MYO5C: variants seen among roughly 807,000 people sequenced by gnomAD.
The protein encoded by MYO5C is myosin VC.
Under a neutral mutation model 235.7 loss-of-function variants are expected in MYO5C, and 194 were observed. The observed-to-expected ratio is 0.82, with a 90% CI of 0.73 to 0.93. The LOEUF (loss-of-function observed/expected upper bound fraction) is 0.93, where lower values mean the gene tolerates loss of function less well. Ranked by LOEUF, MYO5C falls within the 40% of genes least tolerant of loss-of-function variation. The pLI is 0.00. For missense variants in MYO5C, 2,038 were observed against 2,127.2 expected (o/e 0.96, Z 0.82); for synonymous variants, 707 against 754.8 (o/e 0.94, Z 1.04).
chr15:52,211,897 G>C lies in MYO5C; in HGVS notation c.4142-13C>G. The C allele has an allele frequency of 6.2e-7, 1 of 1,612,364 alleles. No individual in the cohort carries two copies. The highest frequency in any genetic ancestry group is 8.5e-7 in the Non-Finnish European group (1 of 1,179,132). On this transcript the variant is annotated splice_polypyrimidine_tract_variant and intron_variant, in intron 34 of 40. Coordinates refer to ENST00000261839, the MANE Select transcript of MYO5C (RefSeq NM_018728.4). ...CGGGGCTTCAAGTCTGAAGCAGAGA[G>C]AGCCAATGAGGATTACAGCTGACAG... is the stretch of plus-strand genomic sequence containing the variant.
chr15:52,229,347 G>C, intron 24 of MYO5C, 34 bp from the exon 25 acceptor site: 3 of 1,599,370 alleles, frequency 1.9e-6, no homozygotes, highest in South Asian at 1.1e-5. Context: ...ATTTAGAGCT[G>C]AGCATGGTGG....
chr15:52,223,697 C>T lies in MYO5C; in HGVS notation c.3474G>A (p.Gln1158=). 1 of 1,614,048 alleles carries T rather than the reference C, an allele frequency of 6.2e-7. No homozygotes were observed. The highest frequency in any genetic ancestry group is 8.5e-7 in the Non-Finnish European group (1 of 1,179,984). The change falls in exon 29 of 41, where the codon CAG becomes CAA. Residue 1158 remains glutamine (Q), a synonymous_variant. Transcript: ENST00000261839. ...TRVLESHFQS[Q]KDCYEKEIEA... is the part of the protein sequence containing the mutation. Reference sequence around the variant, plus strand: ...CAATCTCCTTTTCATAGCAATCCTTCTGAGACTGGAAATGGCTCTCCAAAA... The same window carrying T: ...CAATCTCCTTTTCATAGCAATCCTTTTGAGACTGGAAATGGCTCTCCAAAA...
chr15:52,278,868 G>A lies in MYO5C; in HGVS notation c.449+5C>T. On this transcript the variant is annotated splice_donor_5th_base_variant and intron_variant, in intron 4 of 40. Transcript: ENST00000261839. ...AAGGGGAAGTCCAGCTTGGCAGGAA[G>A]CTACCTGGCCATCTGCTTGTATGCC... 1 of 1,613,434 alleles carries A rather than the reference G, an allele frequency of 6.2e-7. No individual in the cohort carries two copies. The highest frequency in any genetic ancestry group is 1.1e-5 in the South Asian group (1 of 90,986).
At chr15:52,270,707 T>C (rs990671676) in intron 7 of MYO5C, among the ~76,000 whole-genome samples, 1 of 151,398 alleles carries the variant, frequency 6.6e-6, no homozygotes, top group South Asian at 2.1e-4. Flanking sequence ...TGTATATATA[T>C]ACACATACAT....
chr15:52,204,321 TC>T (rs1205233618), intron 38 of MYO5C, among the ~76,000 whole-genome samples: 5 of 151,660 alleles, frequency 3.3e-5, no homozygotes, highest in Non-Finnish European at 7.4e-5. Context: ...TCTGACCGTT[TC>T]TCCTGCTTGG....
At chr15:52,272,776 A>G in intron 5 of MYO5C, 53 bp from the exon 6 acceptor site, 1 of 1,583,862 alleles carries the variant, frequency 6.3e-7, no homozygotes, top group Non-Finnish European at 8.6e-7. Flanking sequence ...TTTTTGCCTC[A>G]AAATTATTGG....
intron 32 of MYO5C, among the ~76,000 whole-genome samples, chr15:52,216,215 T>TAG (rs2035547853): frequency 3.9e-5 from 6 of 152,142 alleles, no homozygotes; most frequent in East Asian, 1.9e-4. Context: ...ATTATTATTA[T>TAG]TAGTAGTAGT....
chr15:52,269,876 A>G lies in MYO5C; in HGVS notation c.833-16T>C, dbSNP rs772256608. The G allele has an allele frequency of 6.4e-7, 1 of 1,554,246 alleles. No individual in the cohort carries two copies. The highest frequency in any genetic ancestry group is 8.9e-7 in the Non-Finnish European group (1 of 1,126,710). ...TCGGCACTCCCTGAAATCAAAAAGT[A>G]AGATTTGTTATGTCTGTAACACAGA... On this transcript the variant is annotated splice_polypyrimidine_tract_variant and intron_variant, in intron 7 of 40. Transcript: ENST00000261839.
chr15:52,250,113 A>T (rs893091660), intron 13 of MYO5C, among the ~76,000 whole-genome samples: 1 of 152,178 alleles, frequency 6.6e-6, no homozygotes, highest in Non-Finnish European at 1.5e-5. Flanking sequence ...ATGGGACCAG[A>T]ACCCTGAAAT....
At chr15:52,268,161 A>G (rs1419262918) in intron 8 of MYO5C, among the ~76,000 whole-genome samples, 1 of 152,114 alleles carries the variant, frequency 6.6e-6, no homozygotes, top group Admixed American at 6.6e-5. Context: ...GATATGTTTA[A>G]CCTGAAACTC....
intron 36 of MYO5C, among the ~76,000 whole-genome samples, chr15:52,207,294 T>A (rs534070340): frequency 9.1e-4 from 138 of 152,092 alleles, no homozygotes; most frequent in Middle Eastern, 6.3e-3. Context: ...AAAGAAAGGA[T>A]CATAAAACAG....
intron 20 of MYO5C, among the ~76,000 whole-genome samples, chr15:52,241,211 G>A (rs1482885047): frequency 6.7e-6 from 1 of 149,846 alleles, no homozygotes; most frequent in Non-Finnish European, 1.5e-5. Context: ...ATCTGGCTGT[G>A]AGAGCTCTCT....
rs761253401 is a variant in MYO5C, at chr15:52,272,730, A to C, written c.607-7T>G. The C allele has an allele frequency of 1.1e-5, 18 of 1,609,456 alleles. No individual in the cohort carries two copies. The East Asian group carries it at 3.8e-4, about 34-fold the overall frequency. ...TCTTGGCATTTCCAACGGCCTAAAA[A>C]AAATAAGACTCTATTGAAATAACAA... On this transcript the variant is annotated splice_region_variant and splice_polypyrimidine_tract_variant and intron_variant, in intron 5 of 40. Coordinates refer to ENST00000261839, the MANE Select transcript of MYO5C (RefSeq NM_018728.4).
chr15:52,273,815 A>G (rs1179328960), intron 5 of MYO5C, among the ~76,000 whole-genome samples: 2 of 152,188 alleles, frequency 1.3e-5, no homozygotes, highest in East Asian at 1.9e-4. Context: ...ACACTTACAG[A>G]GTAGGGAGGA....
At position 52,285,419 on chromosome 15, in the gene MYO5C, TCCTCTCCCTCTC is replaced by T. The variant is rs140674266; in HGVS notation, c.28-2539_28-2528del. ...TCGCTCTCCCTCTCCCTCCTCTCCC[TCCTCTCCCTCTC>T]CCTCTCCCTCTCCCTCCTCTCCCTC... On this transcript the variant is annotated intron_variant, in intron 1 of 40. Coordinates refer to ENST00000261839, the MANE Select transcript of MYO5C (RefSeq NM_018728.4). Among the ~76,000 whole-genome samples, 60 of 120,774 alleles carry T rather than the reference TCCTCTCCCTCTC, an allele frequency of 5.0e-4. 1 individual carries two copies. The highest frequency in any genetic ancestry group is 1.5e-3 in the African/African-American group (40 of 25,968). 79.2% of individuals were successfully genotyped at this position (120,774 alleles called of 152,430 possible). A position where few individuals can be genotyped will look rare whatever the true frequency, so the allele number is the denominator to read the frequency against.
At chr15:52,256,583 ACACACGCG>A (rs1294566769) in intron 11 of MYO5C, 48 bp downstream of exon 11, 3 of 915,764 alleles carry the variant, frequency 3.3e-6, no homozygotes, top group African/African-American at 2.3e-5. Flanking sequence ...ACACACACAC[ACACACGCG>A]CGCGCGCGCG....
intron 25 of MYO5C, among the ~76,000 whole-genome samples, chr15:52,226,765 T>C (rs2035832430): frequency 6.6e-6 from 1 of 152,236 alleles, no homozygotes; most frequent in African/African-American, 2.4e-5. Flanking sequence ...AATGTTTCAG[T>C]AAATGTTCCA....
At chr15:52,221,752 C>T (rs1010788670) in intron 29 of MYO5C, among the ~76,000 whole-genome samples, 1 of 152,190 alleles carries the variant, frequency 6.6e-6, no homozygotes, top group Non-Finnish European at 1.5e-5. Context: ...CCATCGCCTC[C>T]ACCCCCAGTT....
intron 32 of MYO5C, among the ~76,000 whole-genome samples, chr15:52,216,854 G>A (rs1190443336): frequency 6.6e-6 from 1 of 152,148 alleles, no homozygotes; most frequent in Non-Finnish European, 1.5e-5. Context: ...TATAACAGAT[G>A]GAAAAGAACA....
Sources: gnomAD v4.1 joint callset for allele counts (sites outside exome capture counted in the v4.1 genomes callset) on GRCh38, gnomAD v4.1.1 for gene constraint, MANE v1.5 for transcripts, NCBI Gene and HGNC (gene_info 2026-07-23, HGNC 2026-07-21) for gene names.